The following AGBL2 variants were observed in gnomAD, a reference collection of about 807,000 sequenced individuals.
AGBL2 encodes cytosolic carboxypeptidase 2.
AGBL2 carries 87 observed loss-of-function variants against 103.0 expected under a neutral mutation model. The ratio of observed to expected loss-of-function variants is 0.84; its 90% CI spans 0.71 to 1.01. The LOEUF is 1.01. AGBL2 is among the 50% of genes least tolerant of loss of function. The pLI is 0.00. For synonymous variants in AGBL2, 335 were observed against 356.7 expected, an observed-to-expected ratio of 0.94 and a Z score of 0.69; for missense variants, 904 against 1,023.5, an observed-to-expected ratio of 0.88 and a Z score of 1.59.
chr11:47,691,359 T>A (rs1005752612), intron 9 of AGBL2, among the ~76,000 whole-genome samples: 1 of 151,542 alleles, frequency 6.6e-6, no homozygotes, highest in African/African-American at 2.4e-5. Context: ...GGAAAAAAAA[T>A]TTGCCAATTT....
In AGBL2 at chr11:47,680,038, G is replaced by C. The variant is rs1024196898; in HGVS notation, c.1951C>G (p.Leu651Val). 1.2e-5 allele frequency: 19 copies of C among 1,611,194 alleles called. No individual in the cohort carries two copies. Among genetic ancestry groups the C allele is most frequent in the Non-Finnish European group, 1.5e-5 (18 of 1,178,356 alleles). Residue 651 changes from leucine to valine, a missense_variant, in exon 13 of 19, where the codon CTG becomes GTG. Physicochemically the swap from Leu to Val is conservative, Grantham distance 32. Coordinates refer to ENST00000525123, the MANE Select transcript of AGBL2 (RefSeq NM_024783.4). ...KRDTHFTIED[L>V]KSLGYHVCDT... is the part of the protein sequence containing the mutation. ...CAGACATGATAACCTAAGGACTTCA[G>C]ATCTTCGATGGTAAAGTGGGTGTCT... is the stretch of plus-strand genomic sequence containing the variant.
chr11:47,697,584 C>T (rs1326785693), intron 8 of AGBL2, among the ~76,000 whole-genome samples: 3 of 133,168 alleles, frequency 2.3e-5, no homozygotes, highest in African/African-American at 2.9e-5. Flanking sequence ...CTTGCTCTGT[C>T]GCCCAGGCTA....
chr11:47,669,925 C>A (rs976259537), intron 14 of AGBL2, among the ~76,000 whole-genome samples: 1 of 152,292 alleles, frequency 6.6e-6, no homozygotes, highest in South Asian at 2.1e-4. Flanking sequence ...AAAAAGAATT[C>A]TTGACAAGCA....
Position 47,667,654 on chromosome 11 carries a change from ACTT to A in AGBL2, c.2254_2256del (p.Lys752del). 1.2e-6 allele frequency: 2 copies of A among 1,612,996 alleles called. No individual in the cohort carries two copies. The highest frequency in any genetic ancestry group is 1.7e-6 in the Non-Finnish European group (2 of 1,179,770). Reference sequence around the variant, plus strand: ...TTTCGCTGTTTCCTAGTCTGAAGTGACTTCTTTTTTTTCTTCTTAAACATCTTC... The same window carrying A: ...TTTCGCTGTTTCCTAGTCTGAAGTGACTTTTTTTTCTTCTTAAACATCTTC... On this transcript the variant is annotated inframe_deletion, in exon 16 of 19. Coordinates refer to ENST00000525123, the MANE Select transcript of AGBL2 (RefSeq NM_024783.4).
chr11:47,663,330 C>T (rs965365245), intron 17 of AGBL2, among the ~76,000 whole-genome samples: 1 of 152,180 alleles, frequency 6.6e-6, no homozygotes, highest in Non-Finnish European at 1.5e-5. Context: ...AGGTGCTTTA[C>T]CCTTTCACAC....
intron 14 of AGBL2, 58 bp from the exon 15 acceptor site, chr11:47,668,965 A>G: frequency 8.0e-7 from 1 of 1,247,800 alleles, no homozygotes; most frequent in Non-Finnish European, 1.2e-6. Context: ...TCTAGGAAGC[A>G]TAACATTTAC....
chr11:47,665,891 C>T (rs1598892536), intron 17 of AGBL2, among the ~76,000 whole-genome samples: 1 of 152,254 alleles, frequency 6.6e-6, no homozygotes, highest in East Asian at 1.9e-4. Context: ...TGCCTGTAAT[C>T]CCAGCTACTC....
rs1159682462 is a variant in AGBL2 at position 47,677,973 on chromosome 11, A to AT, written c.2017-573dup. On this transcript the variant is annotated intron_variant, in intron 13 of 18. Coordinates refer to ENST00000525123, the MANE Select transcript of AGBL2 (RefSeq NM_024783.4). The stretch of plus-strand genomic sequence containing the variant: ...GACTAGAGCCAACTTCTTCTTTTTT[A>AT]TTTTTTTTTGAGACAGAGTCTTGCT... Among the ~76,000 whole-genome samples, 18 of 149,158 alleles carry AT rather than the reference A, an allele frequency of 1.2e-4. No individual in the cohort carries two copies. The South Asian group carries it at 1.3e-3, about 11-fold the overall frequency.
At chr11:47,691,729 A>AAAAAAAAAAAAAAT in intron 9 of AGBL2, among the ~76,000 whole-genome samples, 6 of 4,856 alleles carry the variant, frequency 1.2e-3, no homozygotes, top group Admixed American at 4.2e-3. Context: ...AAAAAAAAAA[A>AAAAAAAAAAAAAAT]ATATATATAT....
chr11:47,713,020 C>A (rs1017963959), intron 3 of AGBL2, among the ~76,000 whole-genome samples: 1 of 150,946 alleles, frequency 6.6e-6, no homozygotes, highest in Non-Finnish European at 1.5e-5. Context: ...CCAGCCTGGG[C>A]AACAAGAGCA....
chr11:47,668,864 G>A lies in AGBL2; in HGVS notation c.2191C>T (p.His731Tyr). ...DSSLSDGLPV[H>Y]LANIADELTQ... ...ACCTCATCTGCTATGTTTGCTAGGT[G>A]AACAGGAAGACCATCTGAGAGAGAA... The change falls in exon 15 of 19, where the codon CAC becomes TAC. Residue 731 changes from histidine (H) to tyrosine (Y), a missense_variant. His to Tyr is a moderately conservative substitution (Grantham distance 83). Transcript: ENST00000525123. 1 of 1,613,340 alleles carries A rather than the reference G, an allele frequency of 6.2e-7. No homozygotes were observed. Among genetic ancestry groups the A allele is most frequent in the Non-Finnish European group, 8.5e-7 (1 of 1,179,652 alleles).
At chr11:47,709,266 A>G (rs756649040) in intron 4 of AGBL2, among the ~76,000 whole-genome samples, 24 of 152,214 alleles carry the variant, frequency 1.6e-4, no homozygotes, top group Admixed American at 6.6e-4. Flanking sequence ...GGGGCAGCAC[A>G]GAACAAGAGG....
chr11:47,686,447 GTTTTTTTT>G (rs563969184), intron 10 of AGBL2, among the ~76,000 whole-genome samples: 13 of 105,054 alleles, frequency 1.2e-4, no homozygotes, highest in East Asian at 5.4e-4. Context: ...TTTGTTTCTG[GTTTTTTTT>G]TTTTTTTTTT....
chr11:47,692,154 A>G lies in AGBL2; in HGVS notation c.797T>C (p.Leu266Pro), dbSNP rs945946292. Residue 266 changes from leucine (L) to proline (P), a missense_variant, in exon 9 of 19, where the codon CTA becomes CCA. By Grantham distance (98) the Leu-to-Pro change is moderately conservative. Transcript: ENST00000525123. ...ACTCTCAAACCTTGATTCAAACAGT[A>G]GAGTATTATCTTCTGGTCCTTGCAA... ...VTLQGPEDNTLLFESRFESGN... is the reference protein window; with the variant it reads ...VTLQGPEDNTPLFESRFESGN... 8 of 1,613,644 alleles carry G rather than the reference A, an allele frequency of 5.0e-6. No homozygotes were observed. Among genetic ancestry groups the G allele is most frequent in the African/African-American group, 2.7e-5 (2 of 74,992 alleles).
chr11:47,685,538 C>T (rs1480835938), intron 11 of AGBL2, among the ~76,000 whole-genome samples: 1 of 152,142 alleles, frequency 6.6e-6, no homozygotes, highest in Non-Finnish European at 1.5e-5. Flanking sequence ...TCTCCTGCCT[C>T]AGCCTCCCAA....
intron 14 of AGBL2, among the ~76,000 whole-genome samples, 184 bp from the exon 15 acceptor site, chr11:47,669,091 A>AGG (rs1227949182): frequency 6.6e-6 from 1 of 152,186 alleles, no homozygotes. Flanking sequence ...TTTTTGGGAC[A>AGG]GGGTCTCACT....
chr11:47,678,338 A>ATTTTTTTT (rs1196435610), intron 13 of AGBL2, among the ~76,000 whole-genome samples: 9 of 95,288 alleles, frequency 9.4e-5, no homozygotes, highest in East Asian at 3.2e-4. Context: ...TTATTTTATT[A>ATTTTTTTT]TTTTATTTTT....
intron 11 of AGBL2, among the ~76,000 whole-genome samples, chr11:47,685,177 T>A (rs1314321350): frequency 6.6e-6 from 1 of 151,528 alleles, no homozygotes; most frequent in Non-Finnish European, 1.5e-5. Context: ...ACCACTACAC[T>A]CCAGCCTCGA....
At chr11:47,675,730 G>T (rs2097372655) in intron 14 of AGBL2, among the ~76,000 whole-genome samples, 1 of 152,026 alleles carries the variant, frequency 6.6e-6, no homozygotes, top group African/African-American at 2.4e-5. Flanking sequence ...ACCAGGCTGG[G>T]CATGGTGTCT....
Sources: gnomAD v4.1 joint callset for allele counts (sites outside exome capture counted in the v4.1 genomes callset) on GRCh38, gnomAD v4.1.1 for gene constraint, MANE v1.5 for transcripts, NCBI Gene and HGNC (gene_info 2026-07-23, HGNC 2026-07-21) for gene names.